The following EBF3 variants were observed in gnomAD, a reference collection of about 807,000 sequenced individuals.
EBF3 encodes EBF transcription factor 3.
In EBF3, 18 loss-of-function variants were observed where a neutral mutation model predicts 77.1. The ratio of observed to expected loss-of-function variants is 0.23; its 90% confidence interval spans 0.16 to 0.35. The LOEUF (loss-of-function observed/expected upper bound fraction) is 0.35, where lower values mean the gene tolerates loss of function less well. EBF3 is among the 10% of genes least tolerant of loss of function. The probability of loss-of-function intolerance (pLI) is 1.00; values close to 1 mark genes in which losing one functional copy is unlikely to be tolerated. For synonymous variants in EBF3, 350 were observed against 343.5 expected (o/e 1.02, Z -0.21); for missense variants, 558 against 860.0 (o/e 0.65, Z 4.39).
intron 11 of EBF3, chr10:129,843,496 A>C: frequency 2.8e-6 from 1 of 356,964 alleles, no homozygotes; most frequent in Non-Finnish European, 5.2e-6. Flanking sequence ...AACGAGCCCA[A>C]TCCGTGCCTG....
intron 6 of EBF3, among the ~76,000 whole-genome samples, chr10:129,886,114 T>C (rs1460108586): frequency 6.7e-6 from 1 of 149,724 alleles, no homozygotes; most frequent in Non-Finnish European, 1.5e-5. Context: ...TCCTCGGATG[T>C]ACATTTCCCC....
Position 129,952,391 on chromosome 10 carries a change from T to G in EBF3, c.554+4867A>C, listed in dbSNP as rs1432531104. Among the ~76,000 whole-genome samples the G allele has an allele frequency of 1.1e-4, 17 of 152,238 alleles. No individual in the cohort carries two copies. Among genetic ancestry groups the G allele is most frequent in the Non-Finnish European group, 2.5e-4 (17 of 68,046 alleles). On this transcript the variant is annotated intron_variant, in intron 6 of 16. Transcript: ENST00000440978. This position sits in a 1 kb window ranked among gnomAD's most constrained non-coding sequence, Gnocchi z 4.7. ...GAAAACCTTGGATCCCTAAATGATG[T>G]GTAATTAATATTATTTTTAAAATCC...
chr10:129,931,707 G>T (rs769792802), intron 6 of EBF3, among the ~76,000 whole-genome samples: 1 of 152,220 alleles, frequency 6.6e-6, no homozygotes, highest in Admixed American at 6.5e-5. Context: ...TTCTCTATTG[G>T]TCTTGGTAAC....
intron 10 of EBF3, among the ~76,000 whole-genome samples, chr10:129,865,341 T>C (rs1489874133): frequency 6.6e-6 from 1 of 152,180 alleles, no homozygotes; most frequent in Non-Finnish European, 1.5e-5. Flanking sequence ...TTGAACCCCA[T>C]TGTGACATGT....
intron 3 of EBF3, 21 bp downstream of exon 3, chr10:129,962,921 G>C (rs746583643): frequency 6.2e-7 from 1 of 1,613,268 alleles, no homozygotes; most frequent in East Asian, 2.2e-5. Context: ...CAGGGGCGGC[G>C]AGCACGCAGC....
chr10:129,927,617 C>T (rs528409807), intron 6 of EBF3, among the ~76,000 whole-genome samples: 1 of 152,306 alleles, frequency 6.6e-6, no homozygotes, highest in East Asian at 1.9e-4. Flanking sequence ...GCTGACATCT[C>T]CCACCCTGAA....
At chr10:129,883,843 T>C (rs1385318242) in intron 6 of EBF3, among the ~76,000 whole-genome samples, 1 of 152,104 alleles carries the variant, frequency 6.6e-6, no homozygotes, top group Non-Finnish European at 1.5e-5. Context: ...TAGATGGTGG[T>C]GATGGTTGCA....
Position 129,848,510 on chromosome 10 carries a change from G to GTTAAT in EBF3, c.1040-35_1040-31dup, listed in dbSNP as rs765819146. 6.2e-7 allele frequency: 1 copy of GTTAAT among 1,608,086 alleles called. No homozygotes were observed. The highest frequency in any genetic ancestry group is 1.7e-5 in the Admixed American group (1 of 60,018). On this transcript the variant is annotated intron_variant, in intron 10 of 16. Transcript: ENST00000440978. This position sits in a 1 kb window ranked among gnomAD's most constrained non-coding sequence, Gnocchi z 4.4. ...AACAGGACACAGAAATGTAGATCAG[G>GTTAAT]TTAATTACTTTTATGTCATCCATTA...
chr10:129,894,038 G>A (rs1854201601), intron 6 of EBF3, among the ~76,000 whole-genome samples: 1 of 152,162 alleles, frequency 6.6e-6, no homozygotes, highest in Non-Finnish European at 1.5e-5. Context: ...AATAATTTCG[G>A]TAAAGGCTTA....
Position 129,963,625 on chromosome 10 carries a change from C to T in EBF3, c.134+10G>A, listed in dbSNP as rs542638728. On this transcript the variant is annotated intron_variant, in intron 1 of 16. Coordinates refer to ENST00000440978, the MANE Select transcript of EBF3 (RefSeq NM_001375380.1). This position sits in a 1 kb window ranked among gnomAD's most constrained non-coding sequence, Gnocchi z 7.1. ...CGGGGCCAGGGCGCGCGGGGGCGGC[C>T]GGTACGTACCTCTGGGCGGCCGTGT... 2.9e-6 allele frequency: 4 copies of T among 1,383,986 alleles called. No homozygotes were observed. The highest frequency in any genetic ancestry group is 1.5e-5 in the African/African-American group (1 of 65,074). 85.7% of individuals were successfully genotyped at this position (1,383,986 alleles called of 1,614,324 possible). A position where few individuals can be genotyped will look rare whatever the true frequency, so the allele number is the denominator to read the frequency against.
chr10:129,898,424 T>C (rs1050920990), intron 6 of EBF3, among the ~76,000 whole-genome samples: 6 of 152,146 alleles, frequency 3.9e-5, no homozygotes, highest in Non-Finnish European at 8.8e-5. Context: ...AGAAACAGCC[T>C]GAAAAAGTCA....
At position 129,879,488 on chromosome 10, in the gene EBF3, C is replaced by A. The variant is rs753614661; in HGVS notation, c.555-1639G>T. Among the ~76,000 whole-genome samples the A allele has an allele frequency of 2.0e-5, 3 of 152,184 alleles. No individual in the cohort carries two copies. Among genetic ancestry groups the A allele is most frequent in the Non-Finnish European group, 4.4e-5 (3 of 68,028 alleles). On this transcript the variant is annotated intron_variant, in intron 6 of 16. Coordinates refer to ENST00000440978, the MANE Select transcript of EBF3 (RefSeq NM_001375380.1). This position sits in a 1 kb window ranked among gnomAD's most constrained non-coding sequence, Gnocchi z 4.7. ...ACCAAGACTCATCTAAGTGCCCCCC[C>A]AGCATATCCTGGATGACTTCTTACT...
At chr10:129,925,742 GA>G (rs77252215) in intron 6 of EBF3, among the ~76,000 whole-genome samples, 14,213 of 150,564 alleles carry the variant, frequency 0.094, 759 homozygotes, top group East Asian at 0.16. Context: ...AAGAAAATTG[GA>G]AAAAAAAATA....
rs1374618423 is a variant in EBF3 at position 129,943,541 on chromosome 10, C to T, written c.554+13717G>A. 1.3e-5 allele frequency among the ~76,000 whole-genome samples: 2 copies of T among 152,186 alleles called. No homozygotes were observed. Among genetic ancestry groups the T allele is most frequent in the Admixed American group, 6.5e-5 (1 of 15,280 alleles). On this transcript the variant is annotated intron_variant, in intron 6 of 16. Coordinates refer to ENST00000440978, the MANE Select transcript of EBF3 (RefSeq NM_001375380.1). This position sits in a 1 kb window ranked among gnomAD's most constrained non-coding sequence, Gnocchi z 8.8. ...TCTTTCAGCTGGACCTGGCCTCCAG[C>T]GCACTTGGATGCTAGGGATGAGCCT... is the stretch of plus-strand genomic sequence containing the variant.
intron 6 of EBF3, among the ~76,000 whole-genome samples, chr10:129,937,260 C>T (rs561716102): frequency 6.6e-6 from 1 of 152,046 alleles, no homozygotes; most frequent in African/African-American, 2.4e-5. Context: ...CACAGAGACC[C>T]CTAGTTTGAG....
chr10:129,912,020 G>A (rs11017010), intron 6 of EBF3, among the ~76,000 whole-genome samples: 63,497 of 151,790 alleles, frequency 0.42, 13,669 homozygotes, highest in Admixed American at 0.49. Context: ...GGGTGTGCAC[G>A]TCCACCTGCG....
intron 6 of EBF3, among the ~76,000 whole-genome samples, chr10:129,913,063 C>G (rs2134303938): frequency 6.6e-6 from 1 of 152,324 alleles, no homozygotes; most frequent in South Asian, 2.1e-4. Context: ...AAATTGACAG[C>G]CCGATCTTTA....
rs988206393 is a variant in EBF3, at chr10:129,837,801, T to C, written c.*142A>G. 1 of 1,076,506 alleles carries C rather than the reference T, an allele frequency of 9.3e-7. No homozygotes were observed. Among genetic ancestry groups the C allele is most frequent in the South Asian group, 1.5e-5 (1 of 68,746 alleles). The allele number at this position is 1,076,506 out of a possible 1,614,324, so 66.7% of individuals were successfully genotyped here. A position where few individuals can be genotyped will look rare whatever the true frequency, so the allele number is the denominator to read the frequency against. On this transcript the variant is annotated 3_prime_UTR_variant, in exon 17 of 17. Coordinates refer to ENST00000440978, the MANE Select transcript of EBF3 (RefSeq NM_001375380.1). Reference sequence around the variant, plus strand: ...AATAAAATCTTTAAACAAAGTCTTTTGTAGCATTTCAATTGCTGCTGATTT... The same window carrying C: ...AATAAAATCTTTAAACAAAGTCTTTCGTAGCATTTCAATTGCTGCTGATTT...
intron 6 of EBF3, among the ~76,000 whole-genome samples, chr10:129,908,818 G>C (rs142686067): frequency 1.2e-3 from 184 of 152,302 alleles, no homozygotes; most frequent in African/African-American, 4.3e-3. Context: ...AGAGGTGCAA[G>C]GCCACCATTT....
Sources: gnomAD v4.1 joint callset for allele counts (sites outside exome capture counted in the v4.1 genomes callset) on GRCh38, gnomAD v4.1.1 for gene constraint, Gnocchi (gnomAD v3.1) non-coding constraint, MANE v1.5 for transcripts, NCBI Gene and HGNC (gene_info 2026-07-23, HGNC 2026-07-21) for gene names.